GNB1: variants seen among roughly 807,000 people sequenced by gnomAD.
GNB1 encodes guanine nucleotide-binding protein G(I)/G(S)/G(T) subunit beta-1.
Under a neutral mutation model 42.9 loss-of-function variants are expected in GNB1, and 2 were observed. That is an observed-to-expected ratio of 0.05 (90% CI 0.02 to 0.15). The LOEUF (loss-of-function observed/expected upper bound fraction) is 0.15. Among genes scored for constraint, GNB1 ranks in the 10% least tolerant of loss-of-function variants. The pLI is 1.00. For missense variants in GNB1, 193 were observed against 462.2 expected (o/e 0.42, Z 5.34); for synonymous variants, 183 against 174.7 (o/e 1.05, Z -0.38).
chr1:1,800,753 T>TAAAAAAAAAAAAAAAAAAAAA (rs943269814), intron 7 of GNB1, among the ~76,000 whole-genome samples: 1 of 115,320 alleles, frequency 8.7e-6, no homozygotes. Flanking sequence ...TTTAGATTGT[T>TAAAAAAAAAAAAAAAAAAAAA]AAAAAAAAAA....
intron 2 of GNB1, among the ~76,000 whole-genome samples, chr1:1,832,896 T>A (rs183345061): frequency 6.6e-6 from 1 of 152,212 alleles, no homozygotes; most frequent in Non-Finnish European, 1.5e-5. Context: ...AATGGTGTTA[T>A]CTATATCACA....
At chr1:1,838,556 T>G (rs1647182144) in intron 2 of GNB1, among the ~76,000 whole-genome samples, 1 of 151,894 alleles carries the variant, frequency 6.6e-6, no homozygotes, top group South Asian at 2.1e-4. Flanking sequence ...ATCATTCTCC[T>G]GACTCAGCCT....
intron 3 of GNB1, chr1:1,825,172 T>A (rs1015716213): frequency 1.0e-5 from 5 of 498,742 alleles, no homozygotes; most frequent in Non-Finnish European, 1.8e-5. Flanking sequence ...TACGGAGACA[T>A]CTGGTGTATA....
rs1646540502 is a variant in GNB1, at chr1:1,795,893, A to C, written c.431-2582T>G. 2.6e-5 allele frequency among the ~76,000 whole-genome samples: 4 copies of C among 152,216 alleles called. No individual in the cohort carries two copies. The South Asian group carries it at 8.3e-4, about 31-fold the overall frequency. On this transcript the variant is annotated intron_variant, in intron 7 of 11. Transcript: ENST00000378609. Reference sequence around the variant, plus strand: ...ACTGAACCCTAAAATCACAGCTCTCAAGCGCTGATAAAATGATGTGGACAA... The same window carrying C: ...ACTGAACCCTAAAATCACAGCTCTCCAGCGCTGATAAAATGATGTGGACAA...
chr1:1,823,242 G>GAAAAAAAAAAAAAAA, intron 3 of GNB1, among the ~76,000 whole-genome samples: 1 of 36,844 alleles, frequency 2.7e-5, no homozygotes, highest in Non-Finnish European at 5.7e-5. Context: ...ACTGTCTCCA[G>GAAAAAAAAAAAAAAA]AAAAAAAAAA....
chr1:1,876,894 G>A (rs1325990756), intron 1 of GNB1, among the ~76,000 whole-genome samples: 3 of 152,168 alleles, frequency 2.0e-5, no homozygotes, highest in South Asian at 2.1e-4. Context: ...TGTCCAGCAC[G>A]TGGATTCAGG....
intron 2 of GNB1, among the ~76,000 whole-genome samples, chr1:1,825,905 T>C (rs1373000581): frequency 6.6e-6 from 1 of 152,044 alleles, no homozygotes; most frequent in Non-Finnish European, 1.5e-5. Flanking sequence ...ATGGTCTCAT[T>C]ACAAACCAGA....
intron 1 of GNB1, chr1:1,890,251 C>T (rs917279332): frequency 2.0e-5 from 3 of 152,098 alleles, no homozygotes; most frequent in Non-Finnish European, 2.9e-5. Flanking sequence ...GACGCCGCGC[C>T]CGGCTTCCGC....
At chr1:1,829,288 T>G (rs11590108) in intron 2 of GNB1, among the ~76,000 whole-genome samples, 2,376 of 152,228 alleles carry the variant, frequency 0.016, 63 homozygotes, top group African/African-American at 0.054. Flanking sequence ...ACTCCTGACC[T>G]CAGGTGATCC....
intron 1 of GNB1, among the ~76,000 whole-genome samples, chr1:1,844,247 C>T (rs992808601): frequency 1.3e-5 from 2 of 150,908 alleles, no homozygotes; most frequent in Non-Finnish European, 1.5e-5. Context: ...AAAAATTAGC[C>T]GGGCACGGTG....
intron 3 of GNB1, among the ~76,000 whole-genome samples, chr1:1,818,539 T>C (rs551658687): frequency 5.5e-4 from 84 of 151,796 alleles, no homozygotes; most frequent in African/African-American, 1.9e-3. Context: ...AAGTGAGACC[T>C]TGTCTCTACT....
At chr1:1,844,303 A>G (rs1283152677) in intron 1 of GNB1, among the ~76,000 whole-genome samples, 1 of 151,980 alleles carries the variant, frequency 6.6e-6, no homozygotes, top group East Asian at 1.9e-4. Flanking sequence ...AGGCAGGACA[A>G]TCAATTGATC....
intron 1 of GNB1, among the ~76,000 whole-genome samples, chr1:1,885,509 C>T (rs1050893990): frequency 1.4e-5 from 2 of 147,318 alleles, no homozygotes; most frequent in African/African-American, 2.5e-5. Flanking sequence ...TCTCAGAATT[C>T]TAATTTAAGA....
intron 2 of GNB1, among the ~76,000 whole-genome samples, chr1:1,838,808 A>T (rs1285716220): frequency 6.6e-6 from 1 of 152,154 alleles, no homozygotes; most frequent in Non-Finnish European, 1.5e-5. Flanking sequence ...TAACGAAAAA[A>T]ACTAGCGATG....
At chr1:1,885,625 C>T (rs1650108091) in intron 1 of GNB1, among the ~76,000 whole-genome samples, 1 of 141,252 alleles carries the variant, frequency 7.1e-6, no homozygotes, top group Admixed American at 7.4e-5. Context: ...AGCACGATCT[C>T]GGCTCACTGC....
At chr1:1,889,645 G>C (rs962254340) in intron 1 of GNB1, among the ~76,000 whole-genome samples, 7 of 126,158 alleles carry the variant, frequency 5.5e-5, no homozygotes, top group African/African-American at 2.2e-4. Context: ...CTTTTACAAA[G>C]AGATCCCATC....
chr1:1,793,936 G>A (rs1209053129), intron 7 of GNB1: 1 of 153,110 alleles, frequency 6.5e-6, no homozygotes, highest in Admixed American at 6.5e-5. Context: ...AGGGCCTGCA[G>A]GTCATGGAAG....
chr1:1,877,142 A>C (rs552478008), intron 1 of GNB1, among the ~76,000 whole-genome samples: 10 of 152,012 alleles, frequency 6.6e-5, no homozygotes, highest in African/African-American at 2.2e-4. Flanking sequence ...CTCTACTAAA[A>C]ATACAAAATT....
intron 1 of GNB1, among the ~76,000 whole-genome samples, chr1:1,854,069 C>T (rs1334559306): frequency 6.6e-6 from 1 of 152,226 alleles, no homozygotes; most frequent in African/African-American, 2.4e-5. Context: ...AAACAAGACA[C>T]AGCACTTGCT....
Sources: gnomAD v4.1 joint callset for allele counts (sites outside exome capture counted in the v4.1 genomes callset) on GRCh38, gnomAD v4.1.1 for gene constraint, MANE v1.5 for transcripts, NCBI Gene and HGNC (gene_info 2026-07-23, HGNC 2026-07-21) for gene names.